SNAP47: variants seen among roughly 807,000 people sequenced by gnomAD.
SNAP47 encodes synaptosome associated protein 47.
In SNAP47, 20 loss-of-function variants were observed where a neutral mutation model predicts 31.4. The ratio of observed to expected loss-of-function variants is 0.64; its 90% CI spans 0.45 to 0.93. SNAP47 has a LOEUF of 0.93. Among genes scored for constraint, SNAP47 ranks in the 40% least tolerant of loss-of-function variants. The probability of loss-of-function intolerance (pLI) is 0.00; values close to 1 mark genes in which losing one functional copy is unlikely to be tolerated. For synonymous variants in SNAP47, 194 were observed against 213.4 expected, an observed-to-expected ratio of 0.91 and a Z score of 0.79; for missense variants, 492 against 528.5, an observed-to-expected ratio of 0.93 and a Z score of 0.68.
In SNAP47 at chr1:227,771,502, C is replaced by T. The variant is rs556004631; in HGVS notation, c.1113+4419C>T. On this transcript the variant is annotated intron_variant, in intron 4 of 4. Transcript: ENST00000617596. ...ACCAGGTGTGGGGGCCCTGCATGCA[C>T]GTAGCTTGAGGGTGCCCTGTAACTC... Among the ~76,000 whole-genome samples, 6 of 152,216 alleles carry T rather than the reference C, an allele frequency of 3.9e-5. No homozygotes were observed. In the East Asian group the frequency reaches 5.8e-4, roughly 15 times the overall value.
chr1:227,750,724 C>T (rs1023221671), intron 2 of SNAP47, among the ~76,000 whole-genome samples: 11 of 152,186 alleles, frequency 7.2e-5, no homozygotes, highest in African/African-American at 2.2e-4. Flanking sequence ...GAGGGTGCTG[C>T]GGTCCTGGAG....
chr1:227,771,950 A>G (rs1341112562), intron 4 of SNAP47, among the ~76,000 whole-genome samples: 1 of 152,146 alleles, frequency 6.6e-6, no homozygotes, highest in East Asian at 1.9e-4. Flanking sequence ...GCACCTGACA[A>G]GCCCTCCCAA....
chr1:227,780,853 CT>C lies in SNAP47; in HGVS notation c.*181del. The C allele has an allele frequency of 1.3e-6, 1 of 794,648 alleles. No homozygotes were observed. Among genetic ancestry groups the C allele is most frequent in the Non-Finnish European group, 1.9e-6 (1 of 516,734 alleles). The allele number at this position is 794,648 out of a possible 1,614,324, so 49.2% of individuals were successfully genotyped here. ...CTCCCCAGGTGTGCACCATGCCTGC[CT>C]CCCACTTGGCTGTCCCTGCTGCTGG... is the stretch of plus-strand genomic sequence containing the variant. On this transcript the variant is annotated 3_prime_UTR_variant, in exon 5 of 5. Transcript: ENST00000617596.
chr1:227,732,913 C>T, upstream of SNAP47: 1 of 1,612,916 alleles, frequency 6.2e-7, no homozygotes, highest in Non-Finnish European at 8.5e-7. Flanking sequence ...GGCATGGAGT[C>T]CCTCCACTCG....
At chr1:227,735,542 A>G in intron 1 of SNAP47, 43 bp downstream of exon 1, 1 of 1,361,090 alleles carries the variant, frequency 7.3e-7, no homozygotes, top group Non-Finnish European at 9.4e-7. Context: ...GCCCAAGCCA[A>G]GCCGTAGCGT....
chr1:227,733,987 C>T (rs774215315), upstream of SNAP47: 44 of 1,613,910 alleles, frequency 2.7e-5, no homozygotes, highest in East Asian at 9.6e-4. Flanking sequence ...GCCAGTCGGA[C>T]GAGAAGTACA....
intron 1 of SNAP47, among the ~76,000 whole-genome samples, chr1:227,744,526 T>C (rs1661828398): frequency 6.6e-6 from 1 of 152,120 alleles, no homozygotes; most frequent in South Asian, 2.1e-4. Context: ...ATTGAGCACA[T>C]TGCAAGTGAA....
intron 4 of SNAP47, among the ~76,000 whole-genome samples, chr1:227,772,852 T>G (rs543741763): frequency 6.6e-6 from 1 of 152,372 alleles, no homozygotes; most frequent in South Asian, 2.1e-4. Context: ...ACACCCTTGT[T>G]GAAAATCCGT....
chr1:227,749,065 T>C (rs1304575178), intron 2 of SNAP47, among the ~76,000 whole-genome samples: 1 of 152,224 alleles, frequency 6.6e-6, no homozygotes. Flanking sequence ...TAGAACTCTT[T>C]TGTGTTCCTC....
chr1:227,772,557 C>T (rs1336318893), intron 4 of SNAP47, among the ~76,000 whole-genome samples: 1 of 152,146 alleles, frequency 6.6e-6, no homozygotes, highest in Non-Finnish European at 1.5e-5. Flanking sequence ...TAAGCGTTCA[C>T]GTGAGCATCT....
intron 3 of SNAP47, among the ~76,000 whole-genome samples, chr1:227,764,722 G>A (rs1663279308): frequency 6.6e-6 from 1 of 152,156 alleles, no homozygotes; most frequent in South Asian, 2.1e-4. Flanking sequence ...TGACCGATAT[G>A]GTGAAGCCCC....
intron 2 of SNAP47, 59 bp from the exon 3 acceptor site, chr1:227,758,936 A>T: frequency 6.6e-7 from 1 of 1,519,216 alleles, no homozygotes; most frequent in Non-Finnish European, 8.8e-7. Flanking sequence ...CCAAAAAAAA[A>T]GGTATTACTC....
chr1:227,753,638 G>A (rs766153255), intron 2 of SNAP47, among the ~76,000 whole-genome samples: 1 of 152,114 alleles, frequency 6.6e-6, no homozygotes, highest in Non-Finnish European at 1.5e-5. Context: ...TCACATCGGA[G>A]GCAGTTTTAC....
At chr1:227,779,767 C>T (rs927815498) in intron 4 of SNAP47, among the ~76,000 whole-genome samples, 2 of 152,208 alleles carry the variant, frequency 1.3e-5, no homozygotes, top group African/African-American at 2.4e-5. Context: ...GCCACAGACA[C>T]AGCACCAGCT....
At position 227,759,233 on chromosome 1, in the gene SNAP47, C is replaced by T. The variant is rs1367862489; in HGVS notation, c.736C>T (p.Leu246Phe). Residue 246 changes from leucine (L) to phenylalanine (F), a missense_variant, in exon 3 of 5, where the codon CTC (leucine) becomes TTC (phenylalanine). Physicochemically the swap from Leu to Phe is conservative, Grantham distance 22. Transcript: ENST00000617596. ...GGAAATACATGACTCCAGTTCTTTG[C>T]TCATGCACAGGTTTGAAAGAGAAGA... ...GLEIHDSSSL[L>F]MHRFEREDVD... The T allele has an allele frequency of 1.9e-6, 3 of 1,614,202 alleles. No individual in the cohort carries two copies. Among genetic ancestry groups the T allele is most frequent in the Non-Finnish European group, 2.5e-6 (3 of 1,180,046 alleles).
In SNAP47 at chr1:227,759,333, C is replaced by T. The variant is rs1231309439; in HGVS notation, c.836C>T (p.Ala279Val). ...RQRFIGKPDM[A>V]YRLISAKMPE... ...CGGTTTATTGGAAAGCCAGACATGG[C>T]CTATCGTTTGATATCTGCCAAGATG... Residue 279 changes from alanine (A) to valine (V), a missense_variant, in exon 3 of 5, where the codon GCC becomes GTC. Physicochemically the swap from Ala to Val is moderately conservative, Grantham distance 64. Transcript: ENST00000617596. 6.2e-7 allele frequency: 1 copy of T among 1,614,206 alleles called. No individual in the cohort carries two copies. Among genetic ancestry groups the T allele is most frequent in the Non-Finnish European group, 8.5e-7 (1 of 1,180,040 alleles).
chr1:227,733,183 G>C (rs1660788731), upstream of SNAP47: 3 of 948,762 alleles, frequency 3.2e-6, no homozygotes, highest in Non-Finnish European at 1.5e-6. Flanking sequence ...AGGGAAGTGG[G>C]TGGCGGGCTC....
In SNAP47 at chr1:227,740,052, C is replaced by T. The variant is rs186636565; in HGVS notation, c.-46+4553C>T. On this transcript the variant is annotated intron_variant, in intron 1 of 4. Transcript: ENST00000617596. ...TTGGGTGCCCATGGTGTGTAGCGGGCCTTGCGGCCCTCCCATGATAGTGCC... is the reference window on the plus strand; with the variant it reads ...TTGGGTGCCCATGGTGTGTAGCGGGTCTTGCGGCCCTCCCATGATAGTGCC... Among the ~76,000 whole-genome samples the T allele has an allele frequency of 4.4e-3, 672 of 152,370 alleles. 4 individuals are homozygous for T. The highest frequency in any genetic ancestry group is 0.016 in the African/African-American group (649 of 41,590).
intron 4 of SNAP47, chr1:227,776,354 G>A (rs973758511): frequency 1.0e-6 from 1 of 988,272 alleles, no homozygotes; most frequent in Non-Finnish European, 1.2e-6. Context: ...AAAACCCAAA[G>A]CACTTTTAAT....
Sources: gnomAD v4.1 joint callset for allele counts (sites outside exome capture counted in the v4.1 genomes callset) on GRCh38, gnomAD v4.1.1 for gene constraint, MANE v1.5 for transcripts, NCBI Gene and HGNC (gene_info 2026-07-23, HGNC 2026-07-21) for gene names.